KIAA0586: variants seen among roughly 807,000 people sequenced by gnomAD.
KIAA0586 encodes protein TALPID3.
KIAA0586 carries 144 observed loss-of-function variants against 169.8 expected under a neutral mutation model. The ratio of observed to expected loss-of-function variants is 0.85; its 90% confidence interval spans 0.74 to 0.97. The LOEUF is 0.97. Ranked by LOEUF, KIAA0586 falls within the 50% of genes least tolerant of loss-of-function variation. KIAA0586 has a pLI of 0.00. For synonymous variants in KIAA0586, 625 were observed against 612.4 expected, an observed-to-expected ratio of 1.02 and a Z score of -0.30; for missense variants, 1,854 against 1,823.0, an observed-to-expected ratio of 1.02 and a Z score of -0.31.
At chr14:58,488,153 T>TAC (rs749801260) in intron 23 of KIAA0586, 44 bp downstream of exon 23, 24 of 1,400,896 alleles carry the variant, frequency 1.7e-5, no homozygotes, top group Admixed American at 2.0e-5. Context: ...TTTCAACTTA[T>TAC]GTTTGACTTA....
chr14:58,456,938 C>A, intron 10 of KIAA0586, 128 bp downstream of exon 10: 1 of 615,786 alleles, frequency 1.6e-6, no homozygotes, highest in East Asian at 2.8e-5. Context: ...ATGTCAGCCA[C>A]ATCTGTTCCA....
At chr14:58,540,750 T>C (rs2046593934) in intron 30 of KIAA0586, among the ~76,000 whole-genome samples, 1 of 152,234 alleles carries the variant, frequency 6.6e-6, no homozygotes, top group Admixed American at 6.5e-5. Flanking sequence ...AAGTTACCCT[T>C]TCTAAAACAT....
intron 24 of KIAA0586, among the ~76,000 whole-genome samples, chr14:58,489,953 G>T (rs1051868878): frequency 7.2e-5 from 11 of 152,018 alleles, no homozygotes; most frequent in Non-Finnish European, 1.6e-4. Flanking sequence ...TAACAAACTG[G>T]TAGGTTAAAC....
At chr14:58,519,547 T>G (rs1413966588) in intron 29 of KIAA0586, among the ~76,000 whole-genome samples, 1 of 152,236 alleles carries the variant, frequency 6.6e-6, no homozygotes, top group African/African-American at 2.4e-5. Context: ...GCTCCTTTCC[T>G]TGTGTAATAC....
the KIAA0586 span, among the ~76,000 whole-genome samples, chr14:58,561,252 T>TACAACTA: frequency 6.6e-6 from 1 of 152,240 alleles, no homozygotes; most frequent in African/African-American, 2.4e-5. Context: ...GTTTTGGTTT[T>TACAACTA]AGTTGGTTTT....
intron 26 of KIAA0586, 86 bp from the exon 27 acceptor site, chr14:58,498,697 G>GTAT (rs1282433513): frequency 2.7e-5 from 31 of 1,142,382 alleles, no homozygotes; most frequent in Non-Finnish European, 3.6e-5. Context: ...GAGTCAAAGG[G>GTAT]TATTGTTCAT....
intron 6 of KIAA0586, among the ~76,000 whole-genome samples, chr14:58,444,760 G>T (rs1403038700): frequency 2.0e-5 from 3 of 151,824 alleles, no homozygotes; most frequent in Admixed American, 6.6e-5. Flanking sequence ...GCAACTATTG[G>T]TTTACGTCAG....
intron 14 of KIAA0586, among the ~76,000 whole-genome samples, chr14:58,463,128 GT>G (rs1555384739): frequency 4.5e-4 from 3 of 6,598 alleles, no homozygotes; most frequent in Non-Finnish European, 0.01. Context: ...CACTTGCATG[GT>G]TCTCTCTCTC....
chr14:58,470,488 A>C, intron 16 of KIAA0586, 125 bp from the exon 17 acceptor site: 1 of 401,546 alleles, frequency 2.5e-6, no homozygotes, highest in Non-Finnish European at 4.3e-6. Context: ...TAAAAACTTA[A>C]AGGGCATGCT....
Position 58,459,938 on chromosome 14 carries a change from C to G in KIAA0586, c.1752C>G (p.Thr584=), listed in dbSNP as rs534407882. Residue 584 remains threonine, a synonymous_variant, in exon 13 of 31, where the codon ACC becomes ACG. Coordinates refer to ENST00000652326, the MANE Select transcript of KIAA0586 (RefSeq NM_001329943.3). ...KGQNMTKDIR[T]NTQDKTVNKS... Reference sequence around the variant, plus strand: ...AGAATATGACTAAAGATATTAGAACCAACACACAAGATAAAACTGTCAACA... The same window carrying G: ...AGAATATGACTAAAGATATTAGAACGAACACACAAGATAAAACTGTCAACA... 22 of 1,531,682 alleles carry G rather than the reference C, an allele frequency of 1.4e-5. No homozygotes were observed. The South Asian group carries it at 2.1e-4, about 15-fold the overall frequency. 94.9% of individuals were successfully genotyped at this position (1,531,682 alleles called of 1,614,324 possible).
chr14:58,548,036 G>A lies in KIAA0586; in HGVS notation c.*104G>A. ...ACTGTTTGGTTTTTGAGCATATTCT[G>A]AAAAAAAAATTCCAATATTTTAAAA... On this transcript the variant is annotated 3_prime_UTR_variant, in exon 31 of 31. Transcript: ENST00000652326. 29 of 1,286,756 alleles carry A rather than the reference G, an allele frequency of 2.3e-5. No homozygotes were observed. Among genetic ancestry groups the A allele is most frequent in the South Asian group, 7.3e-5 (4 of 54,506 alleles). 79.7% of individuals were successfully genotyped at this position (1,286,756 alleles called of 1,614,324 possible).
intron 30 of KIAA0586, among the ~76,000 whole-genome samples, chr14:58,545,089 C>T (rs1023815136): frequency 6.6e-6 from 1 of 152,156 alleles, no homozygotes; most frequent in Non-Finnish European, 1.5e-5. Flanking sequence ...GCTCTTAGCT[C>T]CATACATGCA....
Position 58,547,914 on chromosome 14 carries a change from G to A in KIAA0586, c.4629G>A (p.Ser1543=), listed in dbSNP as rs61745066. Residue 1543 remains serine (S), a synonymous_variant, in exon 31 of 31, where the codon TCG becomes TCA. Coordinates refer to ENST00000652326, the MANE Select transcript of KIAA0586 (RefSeq NM_001329943.3). Reference sequence around the variant, plus strand: ...CAATGCAGGAGGACATGGAGTCTTCGGGGGCAGATACCTTCTGAACGGGAA... The same window carrying A: ...CAATGCAGGAGGACATGGAGTCTTCAGGGGCAGATACCTTCTGAACGGGAA... ...LSTMQEDMES[S]GADTF is the part of the protein sequence containing the mutation. 831 of 1,613,604 alleles carry A rather than the reference G, an allele frequency of 5.1e-4. 7 individuals carry two copies. The African/African-American group carries it at 8.9e-3, about 17-fold the overall frequency.
At position 58,427,812 on chromosome 14, in the gene KIAA0586, G is replaced by T; in HGVS notation, c.-453G>T. 20 of 1,493,044 alleles carry T rather than the reference G, an allele frequency of 1.3e-5. No individual in the cohort carries two copies. Among genetic ancestry groups the T allele is most frequent in the Non-Finnish European group, 1.8e-5 (20 of 1,125,668 alleles). The allele number at this position is 1,493,044 out of a possible 1,614,324, so 92.5% of individuals were successfully genotyped here. Reference sequence around the variant, plus strand: ...ATGTTTCCGACGATTGCATCTGGAGGGGTGTGTAAGACTCTGTGGCTGAAG... The same window carrying T: ...ATGTTTCCGACGATTGCATCTGGAGTGGTGTGTAAGACTCTGTGGCTGAAG... On this transcript the variant is annotated 5_prime_UTR_variant, in exon 1 of 31. Transcript: ENST00000652326.
chr14:58,521,488 A>T, intron 29 of KIAA0586: 7 of 758,752 alleles, frequency 9.2e-6, no homozygotes, highest in Non-Finnish European at 1.7e-5. Context: ...TTATGATAGG[A>T]TGTACAGTTA....
chr14:58,470,886 C>T (rs1410974564), intron 17 of KIAA0586, among the ~76,000 whole-genome samples, 163 bp downstream of exon 17: 1 of 151,732 alleles, frequency 6.6e-6, no homozygotes, highest in Non-Finnish European at 1.5e-5. Context: ...GAGTCTTGCT[C>T]TGTCGCCCAG....
chr14:58,520,083 C>G (rs562686366), intron 29 of KIAA0586, among the ~76,000 whole-genome samples: 2 of 152,162 alleles, frequency 1.3e-5, no homozygotes, highest in East Asian at 3.9e-4. Flanking sequence ...AGAATATGCC[C>G]AAGGGTGGGG....
chr14:58,504,129 G>A (rs1205370159), intron 27 of KIAA0586, among the ~76,000 whole-genome samples: 1 of 152,126 alleles, frequency 6.6e-6, no homozygotes, highest in Non-Finnish European at 1.5e-5. Flanking sequence ...CTTTTATTTA[G>A]CAAGATCATC....
At chr14:58,469,278 G>A (rs531800459) in intron 16 of KIAA0586, among the ~76,000 whole-genome samples, 9 of 152,254 alleles carry the variant, frequency 5.9e-5, no homozygotes, top group East Asian at 1.9e-4. Context: ...GAATATTCCC[G>A]GCCCTGTGCT....
Sources: allele counts gnomAD v4.1 joint callset (sites outside exome capture counted in the v4.1 genomes callset), GRCh38; gene constraint gnomAD v4.1.1; transcripts MANE v1.5; gene names NCBI Gene and HGNC (gene_info 2026-07-23, HGNC 2026-07-21).